GNG10: variants seen among roughly 807,000 people sequenced by gnomAD.
GNG10 encodes G protein subunit gamma 10.
In GNG10, 7 loss-of-function variants were observed where a neutral mutation model predicts 6.8. The observed-to-expected ratio is 1.02, with a 90% CI of 0.58 to 1.92. The LOEUF (loss-of-function observed/expected upper bound fraction) is 1.92, where lower values mean the gene tolerates loss of function less well. Ranked by LOEUF, GNG10 falls within the 30% of genes most tolerant of loss-of-function variation. The probability of loss-of-function intolerance (pLI) is 0.00; values close to 1 mark genes in which losing one functional copy is unlikely to be tolerated. For missense variants in GNG10, 57 were observed against 86.1 expected (o/e 0.66, Z 1.34); for synonymous variants, 28 against 34.8 (o/e 0.80, Z 0.69).
At chr9:111,666,671 T>C in intron 1 of GNG10, 144 bp from the exon 2 acceptor site, 1 of 1,291,668 alleles carries the variant, frequency 7.7e-7, no homozygotes, top group Non-Finnish European at 1.0e-6. Flanking sequence ...GTAGTTCAAG[T>C]ATTAGAACTT....
At chr9:111,664,720 C>T (rs1004896747) in intron 1 of GNG10, among the ~76,000 whole-genome samples, 8 of 152,108 alleles carry the variant, frequency 5.3e-5, no homozygotes. Context: ...ATTTTCTCTG[C>T]GTATCCCCTT....
chr9:111,667,844 G>A (rs1830928921), intron 2 of GNG10, among the ~76,000 whole-genome samples: 1 of 152,080 alleles, frequency 6.6e-6, no homozygotes, highest in Non-Finnish European at 1.5e-5. Flanking sequence ...TTGTATTGGG[G>A]TCATTTTCAC....
At chr9:111,665,922 GACAGGGTTTC>G (rs1326593945) in intron 1 of GNG10, among the ~76,000 whole-genome samples, 1 of 139,540 alleles carries the variant, frequency 7.2e-6, no homozygotes, top group Non-Finnish European at 1.5e-5. Flanking sequence ...TTTTAGTAGA[GACAGGGTTTC>G]ACCATGTTGG....
chr9:111,666,951 G>A lies in GNG10; in HGVS notation c.*6+5G>A. On this transcript the variant is annotated splice_donor_5th_base_variant and intron_variant, in intron 2 of 2. Coordinates refer to ENST00000374293, the MANE Select transcript of GNG10 (RefSeq NM_001017998.4). ...TGTGCTTTACTCTGAAGACTCGTGA[G>A]TAATGATACACCATGATGTCTTGGG... 1 of 1,614,028 alleles carries A rather than the reference G, an allele frequency of 6.2e-7. No homozygotes were observed. Among genetic ancestry groups the A allele is most frequent in the Non-Finnish European group, 8.5e-7 (1 of 1,179,956 alleles).
chr9:111,662,254 T>C (rs1830834477), intron 1 of GNG10, among the ~76,000 whole-genome samples: 1 of 151,994 alleles, frequency 6.6e-6, no homozygotes, highest in African/African-American at 2.4e-5. Flanking sequence ...CCGGGAGGTA[T>C]TTGTCCTCAT....
chr9:111,662,030 G>T (rs1343825644), intron 1 of GNG10, among the ~76,000 whole-genome samples: 4 of 151,104 alleles, frequency 2.6e-5, no homozygotes, highest in African/African-American at 9.9e-5. Flanking sequence ...CGCGGGCCGG[G>T]AGGGTGGACC....
intron 2 of GNG10, among the ~76,000 whole-genome samples, chr9:111,667,441 G>T (rs565623842): frequency 3.7e-4 from 57 of 152,154 alleles, no homozygotes; most frequent in African/African-American, 1.3e-3. Flanking sequence ...TATTGGTCAG[G>T]CTGGTCTCGA....
rs1830964368 is a variant in GNG10 at position 111,669,384 on chromosome 9, G to GCA, written c.*123_*124insAC. The stretch of plus-strand genomic sequence containing the variant: ...AGAGATATTTCAGCCCTTTCCTGTG[G>GCA]CCTGGTCCTATAGCCAAAATCACAG... On this transcript the variant is annotated 3_prime_UTR_variant, in exon 3 of 3. Transcript: ENST00000374293. 1 of 152,040 alleles carries GCA rather than the reference G, an allele frequency of 6.6e-6. No homozygotes were observed. Among genetic ancestry groups the GCA allele is most frequent in the African/African-American group, 2.4e-5 (1 of 41,388 alleles). The allele number at this position is 152,040 out of a possible 1,614,324, so 9.4% of individuals were successfully genotyped here. A position where few individuals can be genotyped will look rare whatever the true frequency, so the allele number is the denominator to read the frequency against.
rs940327633 is a variant in GNG10, at chr9:111,666,907, C to T, written c.174C>T (p.Pro58=). The T allele has an allele frequency of 1.2e-6, 2 of 1,613,964 alleles. No homozygotes were observed. Among genetic ancestry groups the T allele is most frequent in the African/African-American group, 2.7e-5 (2 of 74,930 alleles). Residue 58 remains proline (P), a synonymous_variant, in exon 2 of 3, where the codon CCC becomes CCT. Transcript: ENST00000374293. Reference sequence around the variant, plus strand: ...TGGGTGTTCCAGCTGGAAGTAACCCCTTCCGGGAGCCTAGATCCTGTGCTT... The same window carrying T: ...TGGGTGTTCCAGCTGGAAGTAACCCTTTCCGGGAGCCTAGATCCTGTGCTT... The part of the protein sequence containing the change: ...LLVGVPAGSN[P]FREPRSCALL
At position 111,661,639 on chromosome 9, in the gene GNG10, C is replaced by G; in HGVS notation, c.5C>G (p.Ser2Cys). 3.7e-6 allele frequency: 5 copies of G among 1,344,316 alleles called. No individual in the cohort carries two copies. The highest frequency in any genetic ancestry group is 4.9e-6 in the Non-Finnish European group (5 of 1,027,078). 83.3% of individuals were successfully genotyped at this position (1,344,316 alleles called of 1,614,324 possible). A position where few individuals can be genotyped will look rare whatever the true frequency, so the allele number is the denominator to read the frequency against. MSSGASASALQR... is the reference protein window; with the variant it reads MCSGASASALQR... ...TAGGAGCCCAGCGCCGCCGCCATGT[C>G]CTCCGGGGCTAGCGCGAGCGCCCTG... The change falls in exon 1 of 3, where the codon TCC becomes TGC. Residue 2 changes from serine to cysteine, a missense_variant. Ser to Cys is a moderately radical substitution (Grantham distance 112). Coordinates refer to ENST00000374293, the MANE Select transcript of GNG10 (RefSeq NM_001017998.4). The surrounding 1 kb of genome is among the most constrained non-coding windows in gnomAD (Gnocchi z 6.1).
chr9:111,663,027 G>C (rs899069045), intron 1 of GNG10, among the ~76,000 whole-genome samples: 1 of 152,278 alleles, frequency 6.6e-6, no homozygotes, highest in East Asian at 1.9e-4. Flanking sequence ...AGGGCTACGG[G>C]GGGGTGGGGG....
At position 111,669,895 on chromosome 9, in the gene GNG10, A is replaced by T. The variant is rs2131284275; in HGVS notation, c.*633A>T. The T allele has an allele frequency of 7.2e-6, 1 of 138,768 alleles. No individual in the cohort carries two copies. 8.6% of individuals were successfully genotyped at this position (138,768 alleles called of 1,614,324 possible). ...AAACTTCTTTGGAAAAGTTAATGTT[A>T]TGATGTGCATTAGGCTGCCCCATCG... On this transcript the variant is annotated 3_prime_UTR_variant, in exon 3 of 3. Coordinates refer to ENST00000374293, the MANE Select transcript of GNG10 (RefSeq NM_001017998.4).
chr9:111,666,567 CAA>C (rs2131281807), intron 1 of GNG10, among the ~76,000 whole-genome samples: 2 of 152,312 alleles, frequency 1.3e-5, no homozygotes, highest in African/African-American at 4.8e-5. Flanking sequence ...CTAAATGGAT[CAA>C]AGATACAGCT....
intron 1 of GNG10, among the ~76,000 whole-genome samples, chr9:111,665,588 A>G (rs2131280934): frequency 6.6e-6 from 1 of 152,292 alleles, no homozygotes; most frequent in East Asian, 1.9e-4. Flanking sequence ...CCAGGAGGCT[A>G]TCTTGGGCTC....
Position 111,661,654 on chromosome 9 carries a change from C to T in GNG10, c.20C>T (p.Ala7Val), listed in dbSNP as rs1334555234. ...GCCGCCATGTCCTCCGGGGCTAGCG[C>T]GAGCGCCCTGCAGCGCTTGGTAGAG... MSSGASASALQRLVEQL... is the reference protein window; with the variant it reads MSSGASVSALQRLVEQL... The change falls in exon 1 of 3, where the codon GCG becomes GTG. Residue 7 changes from alanine (A) to valine (V), a missense_variant. Transcript: ENST00000374293. The surrounding 1 kb of genome is among the most constrained non-coding windows in gnomAD (Gnocchi z 6.1). The T allele has an allele frequency of 3.7e-6, 5 of 1,366,994 alleles. No individual in the cohort carries two copies. The highest frequency in any genetic ancestry group is 5.0e-5 in the Admixed American group (2 of 40,248). 84.7% of individuals were successfully genotyped at this position (1,366,994 alleles called of 1,614,324 possible).
Position 111,666,827 on chromosome 9 carries a change from G to T in GNG10, c.94G>T (p.Ala32Ser). 1 of 1,612,788 alleles carries T rather than the reference G, an allele frequency of 6.2e-7. No individual in the cohort carries two copies. The highest frequency in any genetic ancestry group is 8.5e-7 in the Non-Finnish European group (1 of 1,179,734). Residue 32 changes from alanine (A) to serine (S), a missense_variant, in exon 2 of 3, where the codon GCT becomes TCT. Ala to Ser is a moderately conservative substitution (Grantham distance 99, BLOSUM62 1). Coordinates refer to ENST00000374293, the MANE Select transcript of GNG10 (RefSeq NM_001017998.4). ...GVERIKVSQA[A>S]AELQQYCMQN... ...CCCTTTGTTTCAGGTCTCTCAGGCA[G>T]CTGCAGAGCTTCAACAGTACTGTAT...
intron 1 of GNG10, among the ~76,000 whole-genome samples, chr9:111,666,082 G>A (rs961427219): frequency 1.2e-4 from 18 of 152,036 alleles, no homozygotes; most frequent in Admixed American, 1.2e-3. Context: ...CTACCTCTTC[G>A]TGGAAGGAGC....
intron 1 of GNG10, 43 bp from the exon 2 acceptor site, chr9:111,666,772 T>C: frequency 6.3e-7 from 1 of 1,593,178 alleles, no homozygotes; most frequent in Non-Finnish European, 8.6e-7. Flanking sequence ...GCCGGGTGGC[T>C]TGGCTGTGAG....
chr9:111,668,685 G>A (rs561274822), intron 2 of GNG10, among the ~76,000 whole-genome samples: 20 of 151,996 alleles, frequency 1.3e-4, no homozygotes, highest in African/African-American at 2.7e-4. Flanking sequence ...AGGTTTCACC[G>A]TATTGCTCAG....
Sources: allele counts gnomAD v4.1 joint callset (sites outside exome capture counted in the v4.1 genomes callset), GRCh38; gene constraint gnomAD v4.1.1; non-coding constraint Gnocchi (gnomAD v3.1); transcripts MANE v1.5; gene names NCBI Gene and HGNC (gene_info 2026-07-23, HGNC 2026-07-21).